The following TNRC6C variants were observed in gnomAD, a reference collection of about 807,000 sequenced individuals.
TNRC6C encodes trinucleotide repeat containing adaptor 6C.
TNRC6C carries 20 observed loss-of-function variants against 153.7 expected under a neutral mutation model. The ratio of observed to expected loss-of-function variants is 0.13; its 90% CI spans 0.09 to 0.19. TNRC6C has a LOEUF of 0.19. Ranked by LOEUF, TNRC6C falls within the 10% of genes least tolerant of loss-of-function variation. The probability of loss-of-function intolerance (pLI) is 1.00; values close to 1 mark genes in which losing one functional copy is unlikely to be tolerated. For synonymous variants in TNRC6C, 811 were observed against 841.4 expected (o/e 0.96, Z 0.63); for missense variants, 1,987 against 2,172.0 (o/e 0.91, Z 1.69).
intron 2 of TNRC6C, among the ~76,000 whole-genome samples, chr17:78,037,936 G>A (rs1280090874): frequency 1.3e-5 from 2 of 152,248 alleles, no homozygotes; most frequent in East Asian, 3.9e-4. Context: ...TGTTTCTAGG[G>A]CAGGAGTAAA....
At chr17:78,061,605 T>G (rs1448651631) in intron 3 of TNRC6C, among the ~76,000 whole-genome samples, 3 of 152,098 alleles carry the variant, frequency 2.0e-5, no homozygotes, top group Non-Finnish European at 4.4e-5. Context: ...AATCTAGGAG[T>G]TCGAGGCTGC....
chr17:78,064,727 T>A, exon 4 of TNRC6C: 1 of 1,613,644 alleles, frequency 6.2e-7, no homozygotes, highest in Non-Finnish European at 8.5e-7. Flanking sequence ...TTCAGTTTCA[T>A]CAGGCTGGGG....
intron 9 of TNRC6C, chr17:78,077,772 G>A (rs1301825770): frequency 5.4e-6 from 1 of 184,072 alleles, no homozygotes; most frequent in Non-Finnish European, 1.1e-5. Flanking sequence ...GACATCTCTT[G>A]CAAGGTGGTT....
rs1452391351 is a variant in TNRC6C, at chr17:78,097,880, G to A, written c.4307-463G>A. ...GTTGCAGGTACGCGCCTGGCCTCTA[G>A]ACTTGCAGGTAGCATTTTCTTTCTT... On this transcript the variant is annotated intron_variant, in intron 16 of 19. Coordinates refer to ENST00000301624, the Ensembl canonical transcript of TNRC6C. The A allele has an allele frequency of 2.0e-6, 3 of 1,495,882 alleles. No homozygotes were observed. In the South Asian group the frequency reaches 3.8e-5, roughly 19 times the overall value. 92.7% of individuals were successfully genotyped at this position (1,495,882 alleles called of 1,614,324 possible).
upstream of TNRC6C, among the ~76,000 whole-genome samples, chr17:78,000,020 T>C (rs2071387532): frequency 6.6e-5 from 10 of 152,316 alleles, no homozygotes; most frequent in South Asian, 2.1e-3. Context: ...ATAGAGTCTG[T>C]CAAGCACAGG....
chr17:77,975,377 A>C (rs764810332), intron 1 of TNRC6C, among the ~76,000 whole-genome samples: 2 of 152,150 alleles, frequency 1.3e-5, no homozygotes, highest in Admixed American at 6.5e-5. Context: ...ATATCCACTG[A>C]GGTTGAGTGT....
intron 1 of TNRC6C, among the ~76,000 whole-genome samples, chr17:77,966,036 A>G (rs1310255439): frequency 2.6e-5 from 4 of 152,162 alleles, no homozygotes; most frequent in African/African-American, 9.7e-5. Context: ...ACTTGAAATG[A>G]GTTCTGAAAG....
At chr17:78,072,693 G>A (rs1317211954) in intron 6 of TNRC6C, among the ~76,000 whole-genome samples, 10 of 152,024 alleles carry the variant, frequency 6.6e-5, no homozygotes, top group Non-Finnish European at 2.9e-5. Context: ...GACCAGCCAG[G>A]GCAACATGGA....
At chr17:78,059,340 T>A (rs2072718986) in intron 3 of TNRC6C, among the ~76,000 whole-genome samples, 1 of 152,286 alleles carries the variant, frequency 6.6e-6, no homozygotes, top group Admixed American at 6.5e-5. Flanking sequence ...TGGGTTTGGA[T>A]TTGGCTGGGT....
chr17:78,041,457 G>A (rs900511812), intron 2 of TNRC6C, among the ~76,000 whole-genome samples: 3 of 152,158 alleles, frequency 2.0e-5, no homozygotes, highest in Non-Finnish European at 2.9e-5. Flanking sequence ...TCTTAACCTT[G>A]AGGAAGCAAT....
intron 13 of TNRC6C, 118 bp downstream of exon 15, chr17:78,087,211 G>A (rs971351257): frequency 6.1e-6 from 9 of 1,470,304 alleles, no homozygotes; most frequent in Non-Finnish European, 7.2e-6. Flanking sequence ...TGAAACCATA[G>A]CCTGTTGGAA....
At chr17:78,069,017 CCTAA>C (rs1431548943) in intron 5 of TNRC6C, among the ~76,000 whole-genome samples, 6 of 152,056 alleles carry the variant, frequency 3.9e-5, no homozygotes, top group East Asian at 1.9e-4. Context: ...CTCAGAGAGG[CCTAA>C]CTATGACCAA....
chr17:78,096,015 C>T (rs2073479368), intron 16 of TNRC6C, among the ~76,000 whole-genome samples: 1 of 152,178 alleles, frequency 6.6e-6, no homozygotes, highest in Non-Finnish European at 1.5e-5. Context: ...TGGGCCACTG[C>T]ACTCCAGCCT....
intron 11 of TNRC6C, 139 bp from the exon 14 acceptor site, chr17:78,086,363 GT>G: frequency 3.9e-6 from 1 of 253,856 alleles, no homozygotes; most frequent in Non-Finnish European, 7.7e-6. Flanking sequence ...AAAAAAAACA[GT>G]ATGTGTCAGC....
At position 78,021,041 on chromosome 17, in the gene TNRC6C, G is replaced by A. The variant is rs537190960; in HGVS notation, c.-545-10475G>A. Among the ~76,000 whole-genome samples the A allele has an allele frequency of 2.0e-5, 3 of 152,342 alleles. No individual in the cohort carries two copies. In the South Asian group the frequency reaches 6.2e-4, roughly 32 times the overall value. Reference sequence around the variant, plus strand: ...TCCTACGGCAACCAACACAGTCCTGGACTCAGACCAGGAAATTCTTGTTTG... The same window carrying A: ...TCCTACGGCAACCAACACAGTCCTGAACTCAGACCAGGAAATTCTTGTTTG... On this transcript the variant is annotated intron_variant, in intron 1 of 19. Transcript: ENST00000301624.
intron 1 of TNRC6C, among the ~76,000 whole-genome samples, chr17:77,987,550 G>T (rs543867653): frequency 9.9e-5 from 15 of 152,186 alleles, no homozygotes; most frequent in Non-Finnish European, 2.1e-4. Context: ...AAACAAAGGG[G>T]ATTAGTGATA....
chr17:78,005,795 G>A (rs1012773426), intron 1 of TNRC6C, among the ~76,000 whole-genome samples: 3 of 152,090 alleles, frequency 2.0e-5, no homozygotes, highest in African/African-American at 7.2e-5. Context: ...AATGAGAAAG[G>A]TAGTGAATGG....
At chr17:77,976,245 G>A (rs2070996082) in intron 1 of TNRC6C, among the ~76,000 whole-genome samples, 1 of 151,790 alleles carries the variant, frequency 6.6e-6, no homozygotes, top group Non-Finnish European at 1.5e-5. Flanking sequence ...TCAAAGAAGT[G>A]AGTCAAATTT....
chr17:78,035,271 G>A (rs1164030215), intron 2 of TNRC6C, among the ~76,000 whole-genome samples: 6 of 152,156 alleles, frequency 3.9e-5, no homozygotes, highest in African/African-American at 1.4e-4. Flanking sequence ...TGGCAAAGTG[G>A]TCAAGAGACA....
Sources: allele counts gnomAD v4.1 joint callset (sites outside exome capture counted in the v4.1 genomes callset), GRCh38; gene constraint gnomAD v4.1.1; transcripts MANE v1.5; gene names NCBI Gene and HGNC (gene_info 2026-07-23, HGNC 2026-07-21).